Variants in ABAT observed in about 807,000 individuals in gnomAD.
ABAT encodes 4-aminobutyrate aminotransferase.
Under a neutral mutation model 64.6 loss-of-function variants are expected in ABAT, and 45 were observed. The observed-to-expected ratio is 0.70, with a 90% CI of 0.55 to 0.89. The LOEUF (loss-of-function observed/expected upper bound fraction) is 0.89, where lower values mean the gene tolerates loss of function less well. Ranked by LOEUF, ABAT falls within the 40% of genes least tolerant of loss-of-function variation. The pLI, the probability that ABAT is intolerant of heterozygous loss-of-function variation, is 0.00. For missense variants in ABAT, 633 were observed against 658.4 expected (o/e 0.96, Z 0.42); for synonymous variants, 297 against 250.5 (o/e 1.19, Z -1.75).
In ABAT at chr16:8,775,006, G is replaced by C. The variant is rs762905561; in HGVS notation, c.1071G>C (p.Lys357Asn). ...DDPADVMTFS[K>N]KMMTGGFFHK... is the part of the protein sequence containing the mutation. ...CAGCAGACGTGATGACCTTCAGCAA[G>C]AAGATGATGACTGGGGGCTTCTTCC... is the stretch of plus-strand genomic sequence containing the variant. Residue 357 changes from lysine to asparagine, a missense_variant, in exon 13 of 16, where the codon AAG becomes AAC. By Grantham distance (94) the Lys-to-Asn change is moderately conservative. Coordinates refer to ENST00000268251, the MANE Select transcript of ABAT (RefSeq NM_020686.6). 1 of 1,614,258 alleles carries C rather than the reference G, an allele frequency of 6.2e-7. No homozygotes were observed. Among genetic ancestry groups the C allele is most frequent in the Non-Finnish European group, 8.5e-7 (1 of 1,180,054 alleles).
At position 8,699,840 on chromosome 16, in the gene ABAT, C is replaced by G. The variant is rs146196965; in HGVS notation, c.-42+25129C>G. ...TCTCTTTCTCTTTCCCTCTTTCTTTCTTTTGAGACAGAACCCAGGCTGGAG... is the reference window on the plus strand; with the variant it reads ...TCTCTTTCTCTTTCCCTCTTTCTTTGTTTTGAGACAGAACCCAGGCTGGAG... On this transcript the variant is annotated intron_variant, in intron 1 of 15. Coordinates refer to ENST00000268251, the MANE Select transcript of ABAT (RefSeq NM_020686.6). Among the ~76,000 whole-genome samples, 7 of 150,652 alleles carry G rather than the reference C, an allele frequency of 4.6e-5. No homozygotes were observed. In the East Asian group the frequency reaches 1.2e-3, roughly 25 times the overall value.
intron 2 of ABAT, among the ~76,000 whole-genome samples, chr16:8,743,579 T>A (rs898282222): frequency 7.7e-5 from 11 of 143,430 alleles, no homozygotes; most frequent in African/African-American, 2.5e-4. Context: ...TTTTAATATA[T>A]AATATATTTT....
At chr16:8,738,597 CTTTTT>C (rs1016573233) in intron 2 of ABAT, 10 of 277,466 alleles carry the variant, frequency 3.6e-5, no homozygotes, top group African/African-American at 6.2e-5. Context: ...TTCCTTTTTT[CTTTTT>C]TGTTTTTGTT....
At chr16:8,676,547 C>A (rs1363573111) in intron 1 of ABAT, among the ~76,000 whole-genome samples, 2 of 152,210 alleles carry the variant, frequency 1.3e-5, no homozygotes, top group African/African-American at 4.8e-5. Context: ...CTCGTGGAAT[C>A]CATTCCTGGG....
Position 8,776,459 on chromosome 16 carries a change from A to T in ABAT, c.1238A>T (p.Lys413Met). 1 of 1,614,218 alleles carries T rather than the reference A, an allele frequency of 6.2e-7. No individual in the cohort carries two copies. Among genetic ancestry groups the T allele is most frequent in the South Asian group, 1.1e-5 (1 of 91,086 alleles). ...DLLNNAAHAGKALLTGLLDLQ... is the reference protein window; with the variant it reads ...DLLNNAAHAGMALLTGLLDLQ... ...CTAAATAATGCAGCCCATGCCGGGA[A>T]GGCCCTGCTCACAGGACTGCTGGAC... is the stretch of plus-strand genomic sequence containing the variant. The change falls in exon 14 of 16, where the codon AAG becomes ATG. Residue 413 changes from lysine to methionine, a missense_variant. Physicochemically the swap from Lys to Met is moderately conservative, Grantham distance 95. Coordinates refer to ENST00000268251, the MANE Select transcript of ABAT (RefSeq NM_020686.6). This position sits in a 1 kb window ranked among gnomAD's most constrained non-coding sequence, Gnocchi z 4.4.
At chr16:8,735,193 T>A (rs531628750) in intron 1 of ABAT, among the ~76,000 whole-genome samples, 16 of 141,638 alleles carry the variant, frequency 1.1e-4, no homozygotes, top group Middle Eastern at 3.7e-3. Flanking sequence ...AAAAAAAAAA[T>A]GTGAATTGAA....
At chr16:8,693,705 G>A (rs1012151931) in intron 1 of ABAT, among the ~76,000 whole-genome samples, 1 of 152,216 alleles carries the variant, frequency 6.6e-6, no homozygotes, top group African/African-American at 2.4e-5. Flanking sequence ...CTGACCTCAA[G>A]TGATCTGCCT....
intron 5 of ABAT, among the ~76,000 whole-genome samples, chr16:8,753,739 G>A (rs1317148843): frequency 1.3e-5 from 2 of 152,182 alleles, no homozygotes; most frequent in Admixed American, 6.5e-5. Context: ...TGGGGCCAGC[G>A]TGTGTTGGAG....
intron 6 of ABAT, among the ~76,000 whole-genome samples, chr16:8,763,546 ACT>A (rs1244675154): frequency 6.6e-6 from 1 of 151,928 alleles, no homozygotes; most frequent in Non-Finnish European, 1.5e-5. Flanking sequence ...TGCCCAAGAC[ACT>A]CTTTCTCTAC....
At position 8,776,550 on chromosome 16, in the gene ABAT, G is replaced by A. The variant is rs2060269254; in HGVS notation, c.1269+60G>A. ...CATGGCTCCCCGCAGCAGCCTCCGG[G>A]GCAACACTGGAGCTCTTCGGCATGG... On this transcript the variant is annotated intron_variant, in intron 14 of 15. Transcript: ENST00000268251. This position sits in a 1 kb window ranked among gnomAD's most constrained non-coding sequence, Gnocchi z 4.4. 6.7e-6 allele frequency: 10 copies of A among 1,499,788 alleles called. No homozygotes were observed. The Admixed American group carries it at 2.0e-4, about 29-fold the overall frequency. The allele number at this position is 1,499,788 out of a possible 1,614,324, so 92.9% of individuals were successfully genotyped here. A position where few individuals can be genotyped will look rare whatever the true frequency, so the allele number is the denominator to read the frequency against.
chr16:8,781,392 C>A lies in ABAT; in HGVS notation c.1465C>A (p.Leu489Ile). The change falls in exon 16 of 16, where the codon CTC becomes ATC. Residue 489 changes from leucine to isoleucine, a missense_variant. Transcript: ENST00000268251. This position sits in a 1 kb window ranked among gnomAD's most constrained non-coding sequence, Gnocchi z 4.5. ...VFRDHHAHLF[L>I]NIFSDILADF... ...CAGGGATCACCACGCTCACCTGTTC[C>A]TCAATATTTTCAGTGACATCTTAGC... 6.2e-7 allele frequency: 1 copy of A among 1,614,206 alleles called. No individual in the cohort carries two copies. The highest frequency in any genetic ancestry group is 8.5e-7 in the Non-Finnish European group (1 of 1,180,046).
chr16:8,733,104 G>A (rs1469286063), intron 1 of ABAT, among the ~76,000 whole-genome samples: 1 of 149,716 alleles, frequency 6.7e-6, no homozygotes, highest in African/African-American at 2.5e-5. Context: ...CCCGGATGGG[G>A]CGGCTGGCCG....
chr16:8,745,884 G>A, intron 2 of ABAT, 117 bp from the exon 3 acceptor site: 4 of 931,138 alleles, frequency 4.3e-6, no homozygotes, highest in Non-Finnish European at 6.9e-6. Flanking sequence ...TGGTCTGGCT[G>A]GGATGAGGCT....
chr16:8,700,368 C>T (rs1000283260), intron 1 of ABAT, among the ~76,000 whole-genome samples: 5 of 152,226 alleles, frequency 3.3e-5, no homozygotes, highest in East Asian at 1.9e-4. Flanking sequence ...CTTACATACG[C>T]GGCTCCATGA....
chr16:8,689,277 C>T (rs1325116450), intron 1 of ABAT, among the ~76,000 whole-genome samples: 4 of 152,100 alleles, frequency 2.6e-5, no homozygotes, highest in African/African-American at 9.7e-5. Flanking sequence ...CCTCCATTGT[C>T]AAAAATCAAG....
chr16:8,714,022 A>G (rs1444818482), intron 1 of ABAT: 1 of 399,260 alleles, frequency 2.5e-6, no homozygotes, highest in Non-Finnish European at 5.2e-6. Context: ...ATCTGTGTAC[A>G]TGCGTGCACA....
At chr16:8,675,266 T>C (rs1203312332) in intron 1 of ABAT, among the ~76,000 whole-genome samples, 2 of 152,024 alleles carry the variant, frequency 1.3e-5, no homozygotes, top group Non-Finnish European at 2.9e-5. Flanking sequence ...GATTCACCCT[T>C]AGCCCTGCCG....
chr16:8,706,419 A>AG (rs1555485289), intron 1 of ABAT, among the ~76,000 whole-genome samples: 50 of 148,054 alleles, frequency 3.4e-4, no homozygotes, highest in Middle Eastern at 3.6e-3. Context: ...AAAAAAAAAA[A>AG]AAAAGAAAAG....
chr16:8,750,439 T>A lies in ABAT; in HGVS notation c.216T>A (p.His72Gln), dbSNP rs778694429. The A allele has an allele frequency of 2.5e-6, 4 of 1,613,984 alleles. No homozygotes were observed. In the African/African-American group the frequency reaches 5.3e-5, roughly 22 times the overall value. The part of the protein sequence containing the change: ...LNIIQNAEAV[H>Q]FFCNYEESRG... ...TCTCCAAGAATGCAGAGGCTGTGCA[T>A]TTTTTCTGCAATTACGAAGAGAGCC... The change falls in exon 5 of 16, where the codon CAT becomes CAA. Residue 72 changes from histidine to glutamine, a missense_variant. His to Gln is a conservative substitution (Grantham distance 24). Transcript: ENST00000268251.
Sources: allele counts gnomAD v4.1 joint callset (sites outside exome capture counted in the v4.1 genomes callset), GRCh38; gene constraint gnomAD v4.1.1; non-coding constraint Gnocchi (gnomAD v3.1); transcripts MANE v1.5; gene names NCBI Gene and HGNC (gene_info 2026-07-23, HGNC 2026-07-21).